Variants in SZT2 observed in about 807,000 individuals in gnomAD.
SZT2 encodes SZT2 subunit of KICSTOR complex.
In SZT2, 216 loss-of-function variants were observed where a neutral mutation model predicts 404.2. The ratio of observed to expected loss-of-function variants is 0.53; its 90% CI spans 0.48 to 0.60. The LOEUF is 0.60. Ranked by LOEUF, SZT2 falls within the 20% of genes least tolerant of loss-of-function variation. The pLI, the probability that SZT2 is intolerant of heterozygous loss-of-function variation, is 0.00. For synonymous variants in SZT2, 1,693 were observed against 1,749.9 expected (o/e 0.97, Z 0.81); for missense variants, 3,857 against 4,459.2 (o/e 0.86, Z 3.85).
intron 4 of SZT2, among the ~76,000 whole-genome samples, chr1:43,411,551 C>T (rs1266304398): frequency 6.6e-6 from 1 of 152,176 alleles, no homozygotes; most frequent in Non-Finnish European, 1.5e-5. Flanking sequence ...GGCTTTAGCC[C>T]CTTTGAGATT....
In SZT2 at chr1:43,451,236, C is replaced by T. The variant is rs1346948539; in HGVS notation, c.*756C>T. 6.2e-7 allele frequency: 1 copy of T among 1,613,956 alleles called. No homozygotes were observed. Among genetic ancestry groups the T allele is most frequent in the Admixed American group, 1.7e-5 (1 of 60,020 alleles). ...GGAGGCACGTGGGTGGTGTGCGGGC[C>T]CTCACTGGCCAGCCTCTGGGTGGCC... On this transcript the variant is annotated 3_prime_UTR_variant, in exon 72 of 72. Transcript: ENST00000634258.
chr1:43,394,775 G>A (rs1480808454), intron 1 of SZT2, among the ~76,000 whole-genome samples: 1 of 152,064 alleles, frequency 6.6e-6, no homozygotes, highest in Non-Finnish European at 1.5e-5. Flanking sequence ...CTACTCGGAA[G>A]GCTGAGGCAG....
rs776270340 is a variant in SZT2, at chr1:43,451,653, A to G, written c.*1173A>G. On this transcript the variant is annotated 3_prime_UTR_variant, in exon 72 of 72. Transcript: ENST00000634258. ...GCAAAGGAAGGTCCTCTCACCAACA[A>G]TGGGCAGGAACTCCCGGATGTTTCC... 3.7e-6 allele frequency: 6 copies of G among 1,614,046 alleles called. No individual in the cohort carries two copies. Among genetic ancestry groups the G allele is most frequent in the African/African-American group, 2.7e-5 (2 of 75,020 alleles).
At chr1:43,427,216 T>A in intron 24 of SZT2, 37 bp downstream of exon 24, 8 of 1,610,216 alleles carry the variant, frequency 5.0e-6, no homozygotes, top group Non-Finnish European at 6.8e-6. Context: ...CCCCCTCAGA[T>A]ACAAACCCCT....
In SZT2 at chr1:43,447,053, C is replaced by T. The variant is rs754284486; in HGVS notation, c.9171C>T (p.His3057=). 6.2e-6 allele frequency: 10 copies of T among 1,613,844 alleles called. No homozygotes were observed. The highest frequency in any genetic ancestry group is 3.3e-5 in the South Asian group (3 of 91,072). The change falls in exon 66 of 72, where the codon CAC becomes CAT. Residue 3057 remains histidine, a synonymous_variant. Transcript: ENST00000634258. ...TCCATCTGCGCCTCGTGCATCAGCA[C>T]GTGCTAGGTGCCCATCTGGTGCTGC... ...YDFHLRLVHQ[H]VLGAHLVLRH... is the part of the protein sequence containing the mutation.
intron 1 of SZT2, 109 bp from the exon 2 acceptor site, chr1:43,403,068 C>T: frequency 1.7e-6 from 2 of 1,191,918 alleles, no homozygotes; most frequent in Non-Finnish European, 2.4e-6. Context: ...TGCTGTTTTC[C>T]CTCTCATTGA....
At chr1:43,409,721 A>G (rs944614273) in intron 4 of SZT2, 5 of 181,548 alleles carry the variant, frequency 2.8e-5, no homozygotes, top group African/African-American at 1.2e-4. Flanking sequence ...AAAGATCTCT[A>G]CAATGAAAAC....
chr1:43,443,592 C>A lies in SZT2; in HGVS notation c.8626-5C>A. ...GAGAGTCTTCCTTGATCTTTACTCT[C>A]ATAGCGGCGCCATCGCCCTGAGTCA... On this transcript the variant is annotated splice_region_variant and splice_polypyrimidine_tract_variant and intron_variant, in intron 61 of 71. Transcript: ENST00000634258. 1 of 1,614,126 alleles carries A rather than the reference C, an allele frequency of 6.2e-7. No individual in the cohort carries two copies. The highest frequency in any genetic ancestry group is 8.5e-7 in the Non-Finnish European group (1 of 1,180,034).
Position 43,422,600 on chromosome 1 carries a change from C to A in SZT2, c.1890C>A (p.Val630=). 1.9e-6 allele frequency: 3 copies of A among 1,597,472 alleles called. No homozygotes were observed. The highest frequency in any genetic ancestry group is 2.5e-6 in the Non-Finnish European group (3 of 1,179,392). ...GGGACTGGAGCAGCTTCGTACTAGT[C>A]GAGGGCTATTCTTATGTTAAGCTGC... The part of the protein sequence containing the change: ...LLRDWSSFVL[V]EGYSYVKLLS... Residue 630 remains valine (V), a synonymous_variant, in exon 13 of 72, where the codon GTC becomes GTA. Transcript: ENST00000634258.
chr1:43,414,117 A>G (rs151095000), intron 4 of SZT2, among the ~76,000 whole-genome samples: 2,170 of 152,196 alleles, frequency 0.014, 30 homozygotes, highest in Non-Finnish European at 0.022. Flanking sequence ...CCCCGTCTCT[A>G]CTAAAAATAC....
chr1:43,390,491 G>T (rs1280818853), intron 1 of SZT2, among the ~76,000 whole-genome samples: 5 of 152,226 alleles, frequency 3.3e-5, no homozygotes, highest in Admixed American at 3.3e-4. Context: ...GCGCTGTCAT[G>T]TAGCTAATCT....
chr1:43,430,826 C>A lies in SZT2; in HGVS notation c.4774+37C>A, dbSNP rs776987333. 3.8e-6 allele frequency: 6 copies of A among 1,591,086 alleles called. No homozygotes were observed. The Admixed American group carries it at 6.8e-5, about 18-fold the overall frequency. On this transcript the variant is annotated intron_variant, in intron 32 of 71. Transcript: ENST00000634258. ...GCAGCCCGAGGGAAAGCCAAAGGTC[C>A]TGGAACAGCCTGCCTAAGTGGGAGT...
chr1:43,453,942 A>G lies in SZT2; in HGVS notation c.*3462A>G. On this transcript the variant is annotated 3_prime_UTR_variant, in exon 72 of 72. Transcript: ENST00000634258. The stretch of plus-strand genomic sequence containing the variant: ...GTTAGAAAAGCGAAGTGCTGTAAAA[A>G]CCCGGGCCTTCACGAAAAGCGCCTA... 1 of 1,201,312 alleles carries G rather than the reference A, an allele frequency of 8.3e-7. No individual in the cohort carries two copies. The highest frequency in any genetic ancestry group is 4.1e-5 in the South Asian group (1 of 24,208). The allele number at this position is 1,201,312 out of a possible 1,614,324, so 74.4% of individuals were successfully genotyped here. A position where few individuals can be genotyped will look rare whatever the true frequency, so the allele number is the denominator to read the frequency against.
rs1455764671 is a variant in SZT2 at position 43,424,035 on chromosome 1, G to A, written c.2256-182G>A. 6.6e-6 allele frequency among the ~76,000 whole-genome samples: 1 copy of A among 151,594 alleles called. No homozygotes were observed. The highest frequency in any genetic ancestry group is 2.4e-5 in the African/African-American group (1 of 41,158). On this transcript the variant is annotated intron_variant, in intron 15 of 71. Coordinates refer to ENST00000634258, the MANE Select transcript of SZT2 (RefSeq NM_001365999.1). This position sits in a 1 kb window ranked among gnomAD's most constrained non-coding sequence, Gnocchi z 4.1. ...GTATGAGTGGTACAGAGGTGTGGAA[G>A]GGCGTGGCTTAGCCGGGTATGAGTG... is the stretch of plus-strand genomic sequence containing the variant.
intron 1 of SZT2, among the ~76,000 whole-genome samples, chr1:43,399,079 CAAA>C (rs1320449994): frequency 2.9e-5 from 4 of 138,718 alleles, no homozygotes; most frequent in East Asian, 2.1e-4. Flanking sequence ...GACTCCGTCT[CAAA>C]AAAAAAAAAG....
At chr1:43,408,544 G>A (rs902133189) in intron 4 of SZT2, among the ~76,000 whole-genome samples, 1 of 152,160 alleles carries the variant, frequency 6.6e-6, no homozygotes, top group African/African-American at 2.4e-5. Flanking sequence ...GGGATTACAG[G>A]CATGAGCTGC....
In SZT2 at chr1:43,443,013, T is replaced by G. The variant is rs756420232; in HGVS notation, c.8346T>G (p.Pro2782=). ...CCCGCCCCAGCTCCGTACTTGGTCC[T>G]GTGCCCAGACCTCCTGATCCTGTCA... ...TAARPSSVLG[P]VPRPPDPVTY... is the part of the protein sequence containing the mutation. The change falls in exon 59 of 72, where the codon CCT becomes CCG. Residue 2782 remains proline, a synonymous_variant. Transcript: ENST00000634258. 1 of 1,614,144 alleles carries G rather than the reference T, an allele frequency of 6.2e-7. No homozygotes were observed. Among genetic ancestry groups the G allele is most frequent in the South Asian group, 1.1e-5 (1 of 91,088 alleles).
chr1:43,424,174 C>G lies in SZT2; in HGVS notation c.2256-43C>G. On this transcript the variant is annotated intron_variant, in intron 15 of 71. Transcript: ENST00000634258. This position sits in a 1 kb window ranked among gnomAD's most constrained non-coding sequence, Gnocchi z 4.1. ...AGAGGTGTGGAAGGGCGTGGCTTAG[C>G]CGGGGATGAGAGAGATAGCTGGGGA... 1 of 1,549,016 alleles carries G rather than the reference C, an allele frequency of 6.5e-7. No homozygotes were observed. Among genetic ancestry groups the G allele is most frequent in the Non-Finnish European group, 8.7e-7 (1 of 1,144,732 alleles).
At position 43,452,877 on chromosome 1, in the gene SZT2, C is replaced by T; in HGVS notation, c.*2397C>T. ...TCCAGCTCCAAGCAGACATTCCAGG[C>T]CTCCCCATCCCAACAGGCTACATAC... is the stretch of plus-strand genomic sequence containing the variant. On this transcript the variant is annotated 3_prime_UTR_variant, in exon 72 of 72. Transcript: ENST00000634258. 1 of 1,578,302 alleles carries T rather than the reference C, an allele frequency of 6.3e-7. No homozygotes were observed.
Sources: allele counts gnomAD v4.1 joint callset (sites outside exome capture counted in the v4.1 genomes callset), GRCh38; gene constraint gnomAD v4.1.1; non-coding constraint Gnocchi (gnomAD v3.1); transcripts MANE v1.5; gene names NCBI Gene and HGNC (gene_info 2026-07-23, HGNC 2026-07-21).